The following NUP160 variants were observed in gnomAD, a reference collection of about 807,000 sequenced individuals.
NUP160 encodes nucleoporin 160.
Under a neutral mutation model 196.9 loss-of-function variants are expected in NUP160, and 94 were observed. The ratio of observed to expected loss-of-function variants is 0.48; its 90% CI spans 0.40 to 0.57. The LOEUF is 0.57. NUP160 is among the 20% of genes least tolerant of loss of function. The pLI, the probability that NUP160 is intolerant of heterozygous loss-of-function variation, is 0.00. For missense variants in NUP160, 1,638 were observed against 1,748.3 expected (o/e 0.94, Z 1.13); for synonymous variants, 605 against 619.7 (o/e 0.98, Z 0.35).
At chr11:47,824,475 T>C (rs1299533525) in intron 7 of NUP160, among the ~76,000 whole-genome samples, 1 of 151,786 alleles carries the variant, frequency 6.6e-6, no homozygotes, top group African/African-American at 2.4e-5. Context: ...CCGGGCGCAG[T>C]GGCACGTACC....
intron 7 of NUP160, among the ~76,000 whole-genome samples, chr11:47,829,854 C>T (rs1852040049): frequency 6.6e-6 from 1 of 152,058 alleles, no homozygotes; most frequent in Non-Finnish European, 1.5e-5. Flanking sequence ...TCAACAAAAG[C>T]AAAAATTGAC....
chr11:47,835,219 AAC>A (rs1852150213), intron 7 of NUP160, among the ~76,000 whole-genome samples: 1 of 152,210 alleles, frequency 6.6e-6, no homozygotes. Context: ...CACAGCACCA[AAC>A]ACACAATGCT....
At chr11:47,819,312 C>T in intron 10 of NUP160, 62 bp downstream of exon 10, 1 of 1,045,710 alleles carries the variant, frequency 9.6e-7, no homozygotes. Flanking sequence ...GACTCTGTCT[C>T]AAAAAAAAAA....
intron 28 of NUP160, chr11:47,792,209 G>C (rs2097668282): frequency 2.1e-6 from 1 of 467,162 alleles, no homozygotes; most frequent in Non-Finnish European, 3.8e-6. Context: ...TGAGTCCAAG[G>C]ACAGGGATTT....
In NUP160 at chr11:47,782,296, AAAAAAAAATATATATAT is replaced by A. The variant is rs1351651393; in HGVS notation, c.4116+760_4116+776del. 7.9e-4 allele frequency among the ~76,000 whole-genome samples: 39 copies of A among 49,568 alleles called. 1 individual carries two copies. Among genetic ancestry groups the A allele is most frequent in the Non-Finnish European group, 1.3e-3 (35 of 26,624 alleles). 32.5% of individuals were successfully genotyped at this position (49,568 alleles called of 152,430 possible). ...AACAGAGCAAAACTCAGTTAAAAAA[AAAAAAAAATATATATAT>A]ATATATATATATATATATATATATA... On this transcript the variant is annotated intron_variant, in intron 34 of 35. Transcript: ENST00000378460.
intron 10 of NUP160, 69 bp downstream of exon 10, chr11:47,819,305 T>A: frequency 8.8e-7 from 1 of 1,142,660 alleles, no homozygotes; most frequent in Non-Finnish European, 1.3e-6. Flanking sequence ...AGAGCGAGAC[T>A]CTGTCTCAAA....
rs575047173 is a variant in NUP160 at position 47,813,258 on chromosome 11, C to G, written c.1786+58G>C. On this transcript the variant is annotated intron_variant, in intron 14 of 35. Transcript: ENST00000378460. ...CGATATTTTTTGTATCCATGTGAAA[C>G]GAAGCATAGGGTTTATATAGGAAGG... The G allele has an allele frequency of 1.9e-5, 25 of 1,288,876 alleles. No homozygotes were observed. In the South Asian group the frequency reaches 2.7e-4, roughly 14 times the overall value. 79.8% of individuals were successfully genotyped at this position (1,288,876 alleles called of 1,614,324 possible).
intron 2 of NUP160, chr11:47,841,802 C>T (rs532831586): frequency 5.8e-6 from 1 of 171,570 alleles, no homozygotes; most frequent in South Asian, 1.3e-4. Context: ...ATCCTCCCAC[C>T]TCAACCTCCT....
At position 47,848,364 on chromosome 11, in the gene NUP160, C is replaced by G; in HGVS notation, c.57G>C (p.Ala19=). The change falls in exon 1 of 36, where the codon GCG becomes GCC. Residue 19 remains alanine, a synonymous_variant. Coordinates refer to ENST00000378460, the Ensembl canonical transcript of NUP160. ...GCCCAACGGAACAAAGGCAGGGCCG[C>G]GCGGTCGCCGTCACTTCCGGGGGTG... is the stretch of plus-strand genomic sequence containing the variant. 1 of 1,610,548 alleles carries G rather than the reference C, an allele frequency of 6.2e-7. No individual in the cohort carries two copies. Among genetic ancestry groups the G allele is most frequent in the Non-Finnish European group, 8.5e-7 (1 of 1,178,680 alleles).
intron 2 of NUP160, among the ~76,000 whole-genome samples, chr11:47,847,274 C>G (rs149799850): frequency 6.6e-6 from 1 of 152,256 alleles, no homozygotes; most frequent in Non-Finnish European, 1.5e-5. Context: ...CTCAGGGTAA[C>G]TGTGAATTCC....
chr11:47,815,034 C>G (rs1190120380), intron 13 of NUP160: 2 of 152,212 alleles, frequency 1.3e-5, no homozygotes, highest in Non-Finnish European at 2.9e-5. Context: ...AGTTCAAGAC[C>G]CACCTGACCA....
At chr11:47,806,852 C>CAT (rs750485693) in intron 19 of NUP160, among the ~76,000 whole-genome samples, 3,500 of 123,722 alleles carry the variant, frequency 0.028, 210 homozygotes, top group African/African-American at 0.044. Flanking sequence ...CACACACACA[C>CAT]ATATATATAC....
Position 47,835,797 on chromosome 11 carries a change from G to A in NUP160, c.955C>T (p.Leu319=), listed in dbSNP as rs755169593. ...TACTCCAGCATGTCAGCTACCATTA[G>A]GCACATTTGCTCCTGTCCAAGAAAA... The change falls in exon 7 of 36, where the codon CTA becomes TTA. Residue 319 remains leucine (L), a synonymous_variant. Transcript: ENST00000378460. The A allele has an allele frequency of 1.6e-5, 25 of 1,588,134 alleles. No individual in the cohort carries two copies. The Admixed American group carries it at 3.6e-4, about 23-fold the overall frequency.
intron 15 of NUP160, 35 bp downstream of exon 15, chr11:47,812,847 C>T (rs1168020705): frequency 6.4e-7 from 1 of 1,567,270 alleles, no homozygotes. Flanking sequence ...GCTGAATTTC[C>T]ATTAGGAAAT....
intron 3 of NUP160, 137 bp downstream of exon 3, chr11:47,840,241 T>A (rs1479017667): frequency 1.2e-6 from 1 of 858,652 alleles, no homozygotes; most frequent in Non-Finnish European, 1.9e-6. Context: ...TTTTAAGCGG[T>A]AGCTATCAAA....
intron 34 of NUP160, among the ~76,000 whole-genome samples, chr11:47,780,985 G>A (rs2097660436): frequency 6.6e-6 from 1 of 151,774 alleles, no homozygotes; most frequent in Non-Finnish European, 1.5e-5. Context: ...CCAACGTTTT[G>A]GGAGGCCGAG....
intron 9 of NUP160, chr11:47,820,128 G>C (rs1329445753): frequency 3.3e-5 from 5 of 152,210 alleles, no homozygotes; most frequent in African/African-American, 4.8e-5. Flanking sequence ...TGGTCTTCAA[G>C]CTCTGTCCCA....
At chr11:47,790,217 A>C (rs2097667118) in intron 29 of NUP160, among the ~76,000 whole-genome samples, 1 of 151,698 alleles carries the variant, frequency 6.6e-6, no homozygotes, top group Admixed American at 6.6e-5. Context: ...ATGTGCTGGG[A>C]TTACAGGCGT....
chr11:47,826,563 C>G (rs1367344010), intron 7 of NUP160, among the ~76,000 whole-genome samples: 1 of 149,850 alleles, frequency 6.7e-6, no homozygotes, highest in Non-Finnish European at 1.5e-5. Flanking sequence ...GTAAAAATCC[C>G]CCCCCCCTTT....
Sources: gnomAD v4.1 joint callset for allele counts (sites outside exome capture counted in the v4.1 genomes callset) on GRCh38, gnomAD v4.1.1 for gene constraint, MANE v1.5 for transcripts, NCBI Gene and HGNC (gene_info 2026-07-23, HGNC 2026-07-21) for gene names.